Variants in FAM174B observed in about 807,000 individuals in gnomAD.
The protein encoded by FAM174B is family with sequence similarity 174 member B.
In FAM174B, 12 loss-of-function variants were observed where a neutral mutation model predicts 10.9. That is an observed-to-expected ratio of 1.10 (90% CI 0.71 to 1.79). The LOEUF (loss-of-function observed/expected upper bound fraction) is 1.79. FAM174B is among the 40% of genes most tolerant of loss of function. The pLI, the probability that FAM174B is intolerant of heterozygous loss-of-function variation, is 0.00. For missense variants in FAM174B, 266 were observed against 233.3 expected, an observed-to-expected ratio of 1.14 and a Z score of -0.91; for synonymous variants, 132 against 115.8, an observed-to-expected ratio of 1.14 and a Z score of -0.90.
chr15:92,619,039 A>C lies in FAM174B; in HGVS notation c.*417T>G. 1.6e-6 allele frequency: 1 copy of C among 606,312 alleles called. No individual in the cohort carries two copies. The highest frequency in any genetic ancestry group is 2.9e-6 in the Non-Finnish European group (1 of 342,110). The allele number at this position is 606,312 out of a possible 1,614,324, so 37.6% of individuals were successfully genotyped here. ...AGATCCAGTAGAGAAGAATGTCGGA[A>C]ATTCTAAATACACAGTTGGACATCC... On this transcript the variant is annotated 3_prime_UTR_variant, in exon 3 of 3. Coordinates refer to ENST00000327355, the MANE Select transcript of FAM174B (RefSeq NM_207446.3).
At chr15:92,643,648 A>C (rs1214669312) in intron 1 of FAM174B, among the ~76,000 whole-genome samples, 2 of 152,170 alleles carry the variant, frequency 1.3e-5, no homozygotes, top group African/African-American at 4.8e-5. Context: ...CTCTGGCAGG[A>C]GACCCTTCTC....
Position 92,649,846 on chromosome 15 carries a change from G to A in FAM174B, c.344+5470C>T, listed in dbSNP as rs537228523. 6.6e-5 allele frequency among the ~76,000 whole-genome samples: 10 copies of A among 152,242 alleles called. No homozygotes were observed. The South Asian group carries it at 1.2e-3, about 19-fold the overall frequency. On this transcript the variant is annotated intron_variant, in intron 1 of 2. Coordinates refer to ENST00000327355, the MANE Select transcript of FAM174B (RefSeq NM_207446.3). The stretch of plus-strand genomic sequence containing the variant: ...AAGAATCTGGATTTTGGCTGTATCC[G>A]ATTTGCTTAACACTTCTTCACTGTG...
chr15:92,627,646 G>T (rs2050761886), intron 2 of FAM174B, among the ~76,000 whole-genome samples: 1 of 152,168 alleles, frequency 6.6e-6, no homozygotes, highest in Non-Finnish European at 1.5e-5. Context: ...AAATAGTTCT[G>T]TCTATCATGC....
At chr15:92,624,025 T>C (rs887460119) in intron 2 of FAM174B, among the ~76,000 whole-genome samples, 2 of 152,314 alleles carry the variant, frequency 1.3e-5, no homozygotes, top group African/African-American at 2.4e-5. Context: ...TCCATCCTCA[T>C]AGACATAGAC....
chr15:92,625,583 C>A (rs998803575), intron 2 of FAM174B, among the ~76,000 whole-genome samples: 1 of 152,174 alleles, frequency 6.6e-6, no homozygotes, highest in Non-Finnish European at 1.5e-5. Context: ...TCTTTCACAC[C>A]TATTGGCCTG....
chr15:92,623,674 G>A (rs1271270530), intron 2 of FAM174B, among the ~76,000 whole-genome samples: 1 of 152,222 alleles, frequency 6.6e-6, no homozygotes, highest in African/African-American at 2.4e-5. Context: ...TGACGTCTCA[G>A]TGCAGCCGGC....
intron 2 of FAM174B, among the ~76,000 whole-genome samples, chr15:92,623,237 T>C (rs1039191883): frequency 3.3e-5 from 5 of 151,932 alleles, no homozygotes; most frequent in Non-Finnish European, 7.4e-5. Flanking sequence ...GGGCCAGGCT[T>C]ACCCAGCCTG....
chr15:92,653,472 A>G (rs554346994), intron 1 of FAM174B, among the ~76,000 whole-genome samples: 49 of 152,394 alleles, frequency 3.2e-4, no homozygotes, highest in African/African-American at 1.1e-3. Flanking sequence ...TCTAGGCATT[A>G]ACCTTCACTC....
chr15:92,637,412 C>T (rs1018505079), intron 1 of FAM174B, among the ~76,000 whole-genome samples: 2 of 152,216 alleles, frequency 1.3e-5, no homozygotes, highest in Non-Finnish European at 2.9e-5. Context: ...AGGCTACTCT[C>T]TCTTTCACCA....
At chr15:92,646,080 T>C (rs1318790795) in intron 1 of FAM174B, among the ~76,000 whole-genome samples, 1 of 151,264 alleles carries the variant, frequency 6.6e-6, no homozygotes, top group Non-Finnish European at 1.5e-5. Flanking sequence ...CTCCTCTTCA[T>C]CCATTCAGGC....
chr15:92,634,485 TAG>T (rs112685414), intron 1 of FAM174B: 77 of 152,342 alleles, frequency 5.1e-4, no homozygotes, highest in African/African-American at 1.8e-3. Context: ...TTCACGTATA[TAG>T]AGTCTTACAA....
intron 1 of FAM174B, among the ~76,000 whole-genome samples, chr15:92,650,036 A>G (rs1217862162): frequency 1.3e-5 from 2 of 152,216 alleles, no homozygotes; most frequent in Admixed American, 1.3e-4. Flanking sequence ...CCATGGCTCC[A>G]CCCAAAACTC....
At chr15:92,622,065 T>A (rs1012157160) in intron 2 of FAM174B, among the ~76,000 whole-genome samples, 1 of 152,192 alleles carries the variant, frequency 6.6e-6, no homozygotes, top group African/African-American at 2.4e-5. Context: ...CTGCGGGCTC[T>A]GGGGAAAGCA....
intron 2 of FAM174B, among the ~76,000 whole-genome samples, chr15:92,628,130 G>T (rs1009155190): frequency 6.6e-6 from 1 of 151,768 alleles, no homozygotes; most frequent in South Asian, 2.1e-4. Context: ...TTGTCTTTTG[G>T]ATTTGTATTA....
At chr15:92,640,139 A>C (rs1339886466) in intron 1 of FAM174B, among the ~76,000 whole-genome samples, 1 of 152,250 alleles carries the variant, frequency 6.6e-6, no homozygotes, top group African/African-American at 2.4e-5. Context: ...AATTAGACGG[A>C]TCAGACTTAA....
intron 2 of FAM174B, among the ~76,000 whole-genome samples, chr15:92,623,792 T>G (rs12912253): frequency 0.53 from 80,571 of 152,050 alleles, 21,492 homozygotes; most frequent in Admixed American, 0.56. Context: ...GAGAAACGTG[T>G]GGACACCACC....
chr15:92,626,268 T>A (rs1327743162), intron 2 of FAM174B, among the ~76,000 whole-genome samples: 1 of 152,024 alleles, frequency 6.6e-6, no homozygotes, highest in African/African-American at 2.4e-5. Context: ...CCGGCTAATT[T>A]TTTGTATTTT....
intron 1 of FAM174B, among the ~76,000 whole-genome samples, chr15:92,650,270 T>C (rs577933504): frequency 2.0e-5 from 3 of 152,314 alleles, no homozygotes; most frequent in Non-Finnish European, 4.4e-5. Context: ...TTAGTAAAAT[T>C]AACAAAGCAT....
intron 2 of FAM174B, among the ~76,000 whole-genome samples, chr15:92,629,357 C>T (rs2141952263): frequency 6.6e-6 from 1 of 152,336 alleles, no homozygotes; most frequent in Middle Eastern, 3.4e-3. Context: ...ATCCTAAAGT[C>T]ACAAAGTCAT....
Sources: allele counts gnomAD v4.1 joint callset (sites outside exome capture counted in the v4.1 genomes callset), GRCh38; gene constraint gnomAD v4.1.1; transcripts MANE v1.5; gene names NCBI Gene and HGNC (gene_info 2026-07-23, HGNC 2026-07-21).